The following FHIT variants were observed in gnomAD, a reference collection of about 807,000 sequenced individuals.
The protein encoded by FHIT is fragile histidine triad diadenosine triphosphatase.
In FHIT, 19 loss-of-function variants were observed where a neutral mutation model predicts 17.9. The ratio of observed to expected loss-of-function variants is 1.06; its 90% CI spans 0.74 to 1.56. The LOEUF (loss-of-function observed/expected upper bound fraction) is 1.56, where lower values mean the gene tolerates loss of function less well. Ranked by LOEUF, FHIT falls within the 40% of genes most tolerant of loss-of-function variation. The pLI is 0.00. For missense variants in FHIT, 248 were observed against 189.2 expected, an observed-to-expected ratio of 1.31 and a Z score of -1.82; for synonymous variants, 81 against 69.7, an observed-to-expected ratio of 1.16 and a Z score of -0.81.
At chr3:60,297,568 G>C (rs578057015) in intron 5 of FHIT, among the ~76,000 whole-genome samples, 1 of 137,804 alleles carries the variant, frequency 7.3e-6, no homozygotes, top group African/African-American at 2.7e-5. Context: ...TTACAAGGAA[G>C]TCACCTGCAA....
At chr3:60,094,557 T>C (rs973004988) in intron 5 of FHIT, among the ~76,000 whole-genome samples, 2 of 152,224 alleles carry the variant, frequency 1.3e-5, no homozygotes, top group Non-Finnish European at 2.9e-5. Context: ...GACAACCTAA[T>C]TGAAGGTGGC....
intron 5 of FHIT, among the ~76,000 whole-genome samples, chr3:60,438,333 T>C (rs1317513430): frequency 1.3e-5 from 2 of 151,980 alleles, no homozygotes; most frequent in African/African-American, 4.8e-5. Flanking sequence ...CTACTGCACA[T>C]GTGCGTCCAG....
chr3:61,163,009 T>C (rs1432744405), intron 2 of FHIT, among the ~76,000 whole-genome samples: 2 of 152,212 alleles, frequency 1.3e-5, no homozygotes, highest in African/African-American at 4.8e-5. Context: ...TATTTGAGAA[T>C]TATTCTTTAA....
At chr3:60,327,790 A>T (rs982325806) in intron 5 of FHIT, among the ~76,000 whole-genome samples, 1 of 152,210 alleles carries the variant, frequency 6.6e-6, no homozygotes, top group Non-Finnish European at 1.5e-5. Context: ...GACCTATATT[A>T]GGGTCCCAGT....
Position 60,161,684 on chromosome 3 carries a change from G to T in FHIT, c.104-147532C>A, listed in dbSNP as rs12629645. Among the ~76,000 whole-genome samples the T allele has an allele frequency of 1.1e-4, 17 of 150,532 alleles. No homozygotes were observed. The South Asian group carries it at 3.6e-3, about 32-fold the overall frequency. On this transcript the variant is annotated intron_variant, in intron 5 of 9. Coordinates refer to ENST00000492590, the MANE Select transcript of FHIT (RefSeq NM_002012.4). ...ACTCAGGAGGGACCTGCATTTGGGG[G>T]AAAAAAAAACCCAGAACCAACAGAA...
chr3:60,322,784 G>C (rs1408807238), intron 5 of FHIT, among the ~76,000 whole-genome samples: 1 of 152,168 alleles, frequency 6.6e-6, no homozygotes, highest in African/African-American at 2.4e-5. Flanking sequence ...AGAGGAGGAA[G>C]TACTATTTTT....
At position 61,206,519 on chromosome 3, in the gene FHIT, G is replaced by C. The variant is rs185028617; in HGVS notation, c.-212-5854C>G. Reference sequence around the variant, plus strand: ...TGAGCAGTGGTTTGTAGTTCTCCTTGAAGAGGTCCTTCCCCTCCCTTGTAA... The same window carrying C: ...TGAGCAGTGGTTTGTAGTTCTCCTTCAAGAGGTCCTTCCCCTCCCTTGTAA... On this transcript the variant is annotated intron_variant, in intron 1 of 9. Coordinates refer to ENST00000492590, the MANE Select transcript of FHIT (RefSeq NM_002012.4). Among the ~76,000 whole-genome samples the C allele has an allele frequency of 2.5e-3, 380 of 152,176 alleles. 3 individuals are homozygous for C. The highest frequency in any genetic ancestry group is 7.2e-3 in the African/African-American group (299 of 41,490).
intron 5 of FHIT, among the ~76,000 whole-genome samples, chr3:60,298,567 A>G (rs965550664): frequency 8.5e-5 from 13 of 152,168 alleles, no homozygotes; most frequent in African/African-American, 3.1e-4. Context: ...CCGTAAAGAA[A>G]AGCATTCAGT....
chr3:59,821,976 A>C (rs186793703), intron 8 of FHIT, among the ~76,000 whole-genome samples: 26 of 152,156 alleles, frequency 1.7e-4, no homozygotes, highest in Admixed American at 3.3e-4. Flanking sequence ...CGAGTCTCCA[A>C]AGTCCATTGT....
intron 1 of FHIT, among the ~76,000 whole-genome samples, chr3:61,211,397 G>A (rs1170602270): frequency 6.6e-6 from 1 of 152,154 alleles, no homozygotes; most frequent in Non-Finnish European, 1.5e-5. Flanking sequence ...GAGTCTCGCT[G>A]ATTGCTAGCA....
At chr3:60,040,682 G>C (rs1391447191) in intron 5 of FHIT, among the ~76,000 whole-genome samples, 2 of 152,140 alleles carry the variant, frequency 1.3e-5, no homozygotes, top group East Asian at 1.9e-4. Context: ...AAAGATTTAG[G>C]ACTAGGGGAG....
intron 8 of FHIT, among the ~76,000 whole-genome samples, chr3:59,902,270 G>C (rs1475902142): frequency 6.6e-6 from 1 of 152,172 alleles, no homozygotes; most frequent in Non-Finnish European, 1.5e-5. Context: ...ACACGTGTTA[G>C]GATGGCCATT....
At chr3:60,850,643 C>A (rs533451554) in intron 3 of FHIT, among the ~76,000 whole-genome samples, 1 of 152,192 alleles carries the variant, frequency 6.6e-6, no homozygotes, top group South Asian at 2.1e-4. Flanking sequence ...GAGCCAGGTG[C>A]CTGTCCAAAG....
At chr3:60,654,592 A>C (rs782605553) in intron 4 of FHIT, among the ~76,000 whole-genome samples, 4 of 152,210 alleles carry the variant, frequency 2.6e-5, no homozygotes, top group Non-Finnish European at 5.9e-5. Context: ...TAACTTTATA[A>C]GAAAAACTTG....
intron 8 of FHIT, among the ~76,000 whole-genome samples, chr3:59,894,029 G>A (rs987178705): frequency 5.9e-5 from 9 of 152,136 alleles, no homozygotes; most frequent in South Asian, 2.1e-4. Context: ...CACTTTGGGC[G>A]GCCAAGGCAG....
intron 3 of FHIT, among the ~76,000 whole-genome samples, chr3:61,025,239 G>C (rs146857769): frequency 1.3e-3 from 205 of 152,314 alleles, no homozygotes; most frequent in African/African-American, 4.7e-3. Context: ...CTGTAGGACA[G>C]AGCGTATTAA....
intron 5 of FHIT, among the ~76,000 whole-genome samples, chr3:60,359,841 A>G (rs984690803): frequency 2.6e-5 from 4 of 152,314 alleles, no homozygotes; most frequent in East Asian, 3.9e-4. Flanking sequence ...TTTATATATC[A>G]GGCTGGCTTT....
intron 5 of FHIT, among the ~76,000 whole-genome samples, chr3:60,480,221 C>T (rs898457116): frequency 2.0e-5 from 3 of 152,138 alleles, no homozygotes; most frequent in Admixed American, 6.5e-5. Context: ...CTCATGAGAA[C>T]TCCCTCACTA....
chr3:60,540,491 T>C (rs1197869121), intron 4 of FHIT, among the ~76,000 whole-genome samples: 1 of 152,144 alleles, frequency 6.6e-6, no homozygotes, highest in African/African-American at 2.4e-5. Context: ...TGAGGCTATC[T>C]CCAGGTACGT....
Sources: gnomAD v4.1 joint callset for allele counts (sites outside exome capture counted in the v4.1 genomes callset) on GRCh38, gnomAD v4.1.1 for gene constraint, MANE v1.5 for transcripts, NCBI Gene and HGNC (gene_info 2026-07-23, HGNC 2026-07-21) for gene names.